The following EIF3L variants were observed in gnomAD, a reference collection of about 807,000 sequenced individuals.
EIF3L encodes eukaryotic translation initiation factor 3 subunit L.
Under a neutral mutation model 74.6 loss-of-function variants are expected in EIF3L, and 32 were observed. That is an observed-to-expected ratio of 0.43 (90% confidence interval 0.32 to 0.58). The LOEUF (loss-of-function observed/expected upper bound fraction) is 0.58, where lower values mean the gene tolerates loss of function less well. Ranked by LOEUF, EIF3L falls within the 20% of genes least tolerant of loss-of-function variation. EIF3L has a pLI of 0.06. For synonymous variants in EIF3L, 256 were observed against 254.4 expected, an observed-to-expected ratio of 1.01 and a Z score of -0.06; for missense variants, 474 against 707.8, an observed-to-expected ratio of 0.67 and a Z score of 3.75.
At chr22:37,868,073 T>G (rs2145821339) in intron 7 of EIF3L, among the ~76,000 whole-genome samples, 1 of 151,940 alleles carries the variant, frequency 6.6e-6, no homozygotes, top group African/African-American at 2.4e-5. Context: ...TTCTATTTGA[T>G]TGCTTTTTTA....
rs1006892323 is a variant in EIF3L at position 37,849,438 on chromosome 22, A to G, written c.-12A>G. ...TTCGCTCTTTCCGGCGGTGCTCGCA[A>G]GCGAGGCAGCCATGTCTTATCCCGC... On this transcript the variant is annotated 5_prime_UTR_variant, in exon 1 of 13. Coordinates refer to ENST00000652021, the MANE Select transcript of EIF3L (RefSeq NM_016091.4). The G allele has an allele frequency of 8.1e-6, 13 of 1,613,782 alleles. No individual in the cohort carries two copies. Among genetic ancestry groups the G allele is most frequent in the Non-Finnish European group, 1.1e-5 (13 of 1,179,914 alleles).
At chr22:37,857,967 T>G (rs1371944024) in intron 4 of EIF3L, among the ~76,000 whole-genome samples, 1 of 151,892 alleles carries the variant, frequency 6.6e-6, no homozygotes, top group Non-Finnish European at 1.5e-5. Flanking sequence ...GCTGGGAGAT[T>G]TAGACTAGCC....
intron 5 of EIF3L, among the ~76,000 whole-genome samples, chr22:37,860,476 G>T (rs148967156): frequency 1.3e-5 from 2 of 152,100 alleles, no homozygotes; most frequent in African/African-American, 4.8e-5. Flanking sequence ...AGGCTCAAAC[G>T]ATTCTCCTTC....
chr22:37,876,122 G>A, intron 10 of EIF3L, 111 bp downstream of exon 10: 2 of 1,200,954 alleles, frequency 1.7e-6, no homozygotes, highest in Admixed American at 2.3e-5. Flanking sequence ...TTTTAAGCCA[G>A]GAGTTCAAGA....
intron 10 of EIF3L, chr22:37,877,213 G>C (rs1460109162): frequency 6.1e-6 from 1 of 164,858 alleles, no homozygotes; most frequent in African/African-American, 2.4e-5. Flanking sequence ...AAAGGTATTT[G>C]TGTATCTAAG....
Position 37,877,775 on chromosome 22 carries a change from A to G in EIF3L, c.1179A>G (p.Lys393=). ...GCATTCACCTCCAGCTGCGGGAGAA[A>G]TATGGGGACAAGATGTTGCGCATGC... ...DESIHLQLRE[K]YGDKMLRMQK... Residue 393 remains lysine (K), a synonymous_variant, in exon 11 of 13, where the codon AAA becomes AAG. Transcript: ENST00000652021. The G allele has an allele frequency of 6.2e-7, 1 of 1,613,888 alleles. No individual in the cohort carries two copies. The highest frequency in any genetic ancestry group is 1.7e-4 in the Middle Eastern group (1 of 6,054).
At chr22:37,866,069 T>C (rs1321058880) in intron 7 of EIF3L, among the ~76,000 whole-genome samples, 1 of 152,166 alleles carries the variant, frequency 6.6e-6, no homozygotes, top group African/African-American at 2.4e-5. Flanking sequence ...ACTACAGATA[T>C]AGTGAAAGTG....
intron 5 of EIF3L, among the ~76,000 whole-genome samples, chr22:37,861,545 G>C (rs756122595): frequency 1.3e-5 from 2 of 152,128 alleles, no homozygotes; most frequent in African/African-American, 2.4e-5. Context: ...TTAGCCAGGC[G>C]TGGTGGCGTG....
intron 4 of EIF3L, among the ~76,000 whole-genome samples, chr22:37,856,509 C>G (rs929718384): frequency 1.3e-5 from 2 of 152,190 alleles, no homozygotes; most frequent in African/African-American, 4.8e-5. Flanking sequence ...TGTGCCCAGC[C>G]ACATTGTCTT....
At chr22:37,888,344 A>G (rs1288080038) in intron 12 of EIF3L, 82 bp from the exon 13 acceptor site, 1 of 1,471,614 alleles carries the variant, frequency 6.8e-7, no homozygotes, top group Non-Finnish European at 9.4e-7. Flanking sequence ...GCAGCTGGGA[A>G]TCTGACCTAG....
chr22:37,874,498 C>T lies in EIF3L; in HGVS notation c.880C>T (p.Leu294=). Residue 294 remains leucine (L), a synonymous_variant, in exon 9 of 13, where the codon CTG becomes TTG. Coordinates refer to ENST00000652021, the MANE Select transcript of EIF3L (RefSeq NM_016091.4). ...LGDYYQAIKV[L]ENIELNKKSM... ...AGATTACTACCAGGCCATCAAGGTG[C>T]TGGAGAACATCGAACTGAACAAGAA... The T allele has an allele frequency of 4.3e-6, 7 of 1,614,136 alleles. No individual in the cohort carries two copies. The highest frequency in any genetic ancestry group is 5.1e-6 in the Non-Finnish European group (6 of 1,179,998).
intron 7 of EIF3L, among the ~76,000 whole-genome samples, chr22:37,865,983 G>C (rs1336316988): frequency 6.6e-6 from 1 of 152,136 alleles, no homozygotes. Flanking sequence ...ATTTCGTCCT[G>C]GCCAGGTAGA....
At position 37,874,452 on chromosome 22, in the gene EIF3L, C is replaced by T. The variant is rs193004625; in HGVS notation, c.834C>T (p.Leu278=). 12 of 1,614,206 alleles carry T rather than the reference C, an allele frequency of 7.4e-6. No individual in the cohort carries two copies. The East Asian group carries it at 2.5e-4, about 33-fold the overall frequency. The change falls in exon 9 of 13, where the codon CTC becomes CTT. Residue 278 remains leucine (L), a synonymous_variant. Transcript: ENST00000652021. ...MLGYFSLVGL[L]RLHSLLGDYY... is the part of the protein sequence containing the mutation. ...GTTACTTCAGCCTGGTCGGGCTTCT[C>T]CGCCTGCACTCCCTGTTAGGAGATT...
At chr22:37,867,921 C>G (rs1476869890) in intron 7 of EIF3L, among the ~76,000 whole-genome samples, 3 of 145,240 alleles carry the variant, frequency 2.1e-5, no homozygotes, top group Non-Finnish European at 4.5e-5. Flanking sequence ...CACCACTGCA[C>G]TCCAGCCTCG....
intron 5 of EIF3L, among the ~76,000 whole-genome samples, chr22:37,860,290 T>C (rs778681577): frequency 6.6e-6 from 1 of 152,000 alleles, no homozygotes; most frequent in Admixed American, 6.6e-5. Flanking sequence ...GACTTTTCTC[T>C]GACATGATAT....
chr22:37,867,472 A>G lies in EIF3L; in HGVS notation c.580-2704A>G, dbSNP rs1316116325. 2.0e-5 allele frequency among the ~76,000 whole-genome samples: 3 copies of G among 152,084 alleles called. No homozygotes were observed. In the East Asian group the frequency reaches 5.8e-4, roughly 29 times the overall value. ...CCAGGAGTTCGAGACCAGCCTGGCCAACATGGTGAAACCCCGTCTCTACTA... is the reference window on the plus strand; with the variant it reads ...CCAGGAGTTCGAGACCAGCCTGGCCGACATGGTGAAACCCCGTCTCTACTA... On this transcript the variant is annotated intron_variant, in intron 7 of 12. Coordinates refer to ENST00000652021, the MANE Select transcript of EIF3L (RefSeq NM_016091.4).
rs141862368 is a variant in EIF3L, at chr22:37,874,698, C to T, written c.906+174C>T. 3.5e-3 allele frequency among the ~76,000 whole-genome samples: 528 copies of T among 152,128 alleles called. 5 individuals carry two copies. The highest frequency in any genetic ancestry group is 0.012 in the African/African-American group (506 of 41,502). On this transcript the variant is annotated intron_variant, in intron 9 of 12. Coordinates refer to ENST00000652021, the MANE Select transcript of EIF3L (RefSeq NM_016091.4). The stretch of plus-strand genomic sequence containing the variant: ...GCTGTGGTAAAAAGCTAGACCTGGA[C>T]GATTTTGGTAGTTAACAACAGTTTT...
chr22:37,862,036 A>G (rs1342024674), intron 5 of EIF3L, among the ~76,000 whole-genome samples: 1 of 152,194 alleles, frequency 6.6e-6, no homozygotes, highest in East Asian at 1.9e-4. Context: ...GGGTCTTGCC[A>G]TGTTGCCCAG....
At chr22:37,859,509 G>A (rs1380410992) in intron 5 of EIF3L, among the ~76,000 whole-genome samples, 1 of 150,420 alleles carries the variant, frequency 6.6e-6, no homozygotes, top group Non-Finnish European at 1.5e-5. Context: ...AGCCTCCTGA[G>A]TAGCTGGGAT....
Sources: allele counts gnomAD v4.1 joint callset (sites outside exome capture counted in the v4.1 genomes callset), GRCh38; gene constraint gnomAD v4.1.1; transcripts MANE v1.5; gene names NCBI Gene and HGNC (gene_info 2026-07-23, HGNC 2026-07-21).